Variants in CORIN observed in about 807,000 individuals in gnomAD.
CORIN encodes corin, serine peptidase.
A neutral mutation model predicts 125.3 loss-of-function variants in CORIN; 117 were observed. The ratio of observed to expected loss-of-function variants is 0.93; its 90% CI spans 0.80 to 1.09. The LOEUF (loss-of-function observed/expected upper bound fraction) is 1.09, where lower values mean the gene tolerates loss of function less well. CORIN is among the 50% of genes least tolerant of loss of function. The pLI is 0.00. For synonymous variants in CORIN, 450 were observed against 466.4 expected (o/e 0.96, Z 0.45); for missense variants, 1,253 against 1,306.7 (o/e 0.96, Z 0.63).
intron 16 of CORIN, among the ~76,000 whole-genome samples, chr4:47,639,371 C>G (rs1723149110): frequency 6.6e-6 from 1 of 152,194 alleles, no homozygotes; most frequent in Non-Finnish European, 1.5e-5. Flanking sequence ...GGCTGTTTAC[C>G]TACATGTCTT....
In CORIN at chr4:47,680,205, G is replaced by T; in HGVS notation, c.1068C>A (p.Ile356=). ...TEHRCGDGRC[I]AMEWVCDGDH... ...CACCATCACACACCCACTCCATGGCGATGCAGCGCCCGTCCCCGCAGCGAT... is the reference window on the plus strand; with the variant it reads ...CACCATCACACACCCACTCCATGGCTATGCAGCGCCCGTCCCCGCAGCGAT... The change falls in exon 8 of 22, where the codon ATC becomes ATA. Residue 356 remains isoleucine (I), a synonymous_variant. Transcript: ENST00000273857. The T allele has an allele frequency of 6.2e-7, 1 of 1,613,998 alleles. No individual in the cohort carries two copies. Among genetic ancestry groups the T allele is most frequent in the South Asian group, 1.1e-5 (1 of 91,070 alleles).
At position 47,618,714 on chromosome 4, in the gene CORIN, G is replaced by A. The variant is rs185333324; in HGVS notation, c.2540+4857C>T. 4.8e-3 allele frequency among the ~76,000 whole-genome samples: 737 copies of A among 152,144 alleles called. 4 individuals carry two copies. The highest frequency in any genetic ancestry group is 8.3e-3 in the Non-Finnish European group (567 of 67,986). ...GGCACCTGCAGTCCCAGCTACTCGG[G>A]AGGCTGAGGCAGGAGAATGGCATGA... is the stretch of plus-strand genomic sequence containing the variant. On this transcript the variant is annotated intron_variant, in intron 19 of 21. Coordinates refer to ENST00000273857, the MANE Select transcript of CORIN (RefSeq NM_006587.4).
intron 4 of CORIN, among the ~76,000 whole-genome samples, chr4:47,760,514 A>G (rs1459786039): frequency 6.6e-6 from 1 of 152,192 alleles, no homozygotes; most frequent in East Asian, 1.9e-4. Context: ...TTGGTCTATC[A>G]GTAAACAGGT....
chr4:47,786,731 T>G lies in CORIN; in HGVS notation c.403A>C (p.Asn135His). The change falls in exon 3 of 22, where the codon AAT (asparagine) becomes CAT (histidine). Residue 135 changes from asparagine to histidine, a missense_variant. Asn to His is a moderately conservative substitution (Grantham distance 68). Transcript: ENST00000273857. ...ASLPGDQSHR[N>H]TSACMNITHS... ...GTATCACCTTTGGACTTACTTGTATTCCTGTGACTTTGGTCCCCTGGGAGA... is the reference window on the plus strand; with the variant it reads ...GTATCACCTTTGGACTTACTTGTATGCCTGTGACTTTGGTCCCCTGGGAGA... 1 of 1,613,864 alleles carries G rather than the reference T, an allele frequency of 6.2e-7. No homozygotes were observed. The highest frequency in any genetic ancestry group is 8.5e-7 in the Non-Finnish European group (1 of 1,179,740).
rs892214741 is a variant in CORIN at position 47,594,607 on chromosome 4, T to C, written c.*1114A>G. On this transcript the variant is annotated 3_prime_UTR_variant, in exon 22 of 22. Coordinates refer to ENST00000273857, the MANE Select transcript of CORIN (RefSeq NM_006587.4). Reference sequence around the variant, plus strand: ...GAAAATTACAAAATGTTTTACTCCATGCAAAGTCTTACTGTGCTCTAAAAT... The same window carrying C: ...GAAAATTACAAAATGTTTTACTCCACGCAAAGTCTTACTGTGCTCTAAAAT... The C allele has an allele frequency of 1.3e-5, 2 of 152,182 alleles. No homozygotes were observed. The highest frequency in any genetic ancestry group is 2.4e-5 in the African/African-American group (1 of 41,464). The allele number at this position is 152,182 out of a possible 1,614,324, so 9.4% of individuals were successfully genotyped here. A position where few individuals can be genotyped will look rare whatever the true frequency, so the allele number is the denominator to read the frequency against.
At chr4:47,809,042 G>A (rs1017281964) in intron 1 of CORIN, among the ~76,000 whole-genome samples, 2 of 152,144 alleles carry the variant, frequency 1.3e-5, no homozygotes, top group African/African-American at 4.8e-5. Context: ...GGAAGATCAC[G>A]TAAGACATTG....
At chr4:47,739,984 A>G (rs1287916125) in intron 5 of CORIN, among the ~76,000 whole-genome samples, 1 of 151,944 alleles carries the variant, frequency 6.6e-6, no homozygotes, top group African/African-American at 2.4e-5. Flanking sequence ...AATATATCTA[A>G]CACAAAAAAA....
rs534943706 is a variant in CORIN, at chr4:47,707,764, T to C, written c.800-14681A>G. ...GCCCTGGTGAGAATATACCTGGGTATGTACTGACCCTACAGGACCAGGGGT... is the reference window on the plus strand; with the variant it reads ...GCCCTGGTGAGAATATACCTGGGTACGTACTGACCCTACAGGACCAGGGGT... On this transcript the variant is annotated intron_variant, in intron 5 of 21. Coordinates refer to ENST00000273857, the MANE Select transcript of CORIN (RefSeq NM_006587.4). 2.0e-4 allele frequency among the ~76,000 whole-genome samples: 31 copies of C among 152,286 alleles called. No individual in the cohort carries two copies. The South Asian group carries it at 5.8e-3, about 29-fold the overall frequency.
At chr4:47,802,384 C>T (rs955797068) in intron 2 of CORIN, among the ~76,000 whole-genome samples, 2 of 152,094 alleles carry the variant, frequency 1.3e-5, no homozygotes, top group African/African-American at 4.8e-5. Flanking sequence ...AGTCCACTGT[C>T]CTGAAGAGTG....
At chr4:47,755,077 C>T (rs879639951) in intron 4 of CORIN, among the ~76,000 whole-genome samples, 2 of 152,136 alleles carry the variant, frequency 1.3e-5, no homozygotes, top group South Asian at 4.1e-4. Flanking sequence ...AACCAAGTAA[C>T]CTTAGGATGC....
rs1471519610 is a variant in CORIN, at chr4:47,757,905, T to TATATATATATAC, written c.617+5473_617+5474insGTATATATATAT. On this transcript the variant is annotated intron_variant, in intron 4 of 21. Transcript: ENST00000273857. Reference sequence around the variant, plus strand: ...ATATATATATATATATATATATATATACACAAATATACACATATATATATT... The same window carrying TATATATATATAC: ...ATATATATATATATATATATATATATATATATATATACACACAAATATACACATATATATATT... 7.6e-4 allele frequency among the ~76,000 whole-genome samples: 107 copies of TATATATATATAC among 141,672 alleles called. 1 individual carries two copies. The highest frequency in any genetic ancestry group is 2.7e-3 in the African/African-American group (100 of 37,578). 92.9% of individuals were successfully genotyped at this position (141,672 alleles called of 152,430 possible).
At chr4:47,772,098 T>TAGAC (rs1304661221) in intron 3 of CORIN, among the ~76,000 whole-genome samples, 1 of 151,872 alleles carries the variant, frequency 6.6e-6, no homozygotes, top group African/African-American at 2.4e-5. Context: ...GATAGATAGA[T>TAGAC]AGATAGATAG....
intron 4 of CORIN, among the ~76,000 whole-genome samples, chr4:47,757,867 CATAT>C (rs1274991991): frequency 2.2e-4 from 20 of 91,740 alleles, no homozygotes; most frequent in African/African-American, 7.8e-4. Context: ...CATATATATA[CATAT>C]ATATATGTAT....
intron 20 of CORIN, among the ~76,000 whole-genome samples, chr4:47,602,938 A>G (rs958313677): frequency 6.6e-6 from 1 of 152,048 alleles, no homozygotes; most frequent in Non-Finnish European, 1.5e-5. Context: ...GGCTCACTGC[A>G]GCCTCCACCT....
At chr4:47,751,288 G>A (rs557788732) in intron 4 of CORIN, among the ~76,000 whole-genome samples, 1 of 152,208 alleles carries the variant, frequency 6.6e-6, no homozygotes, top group East Asian at 1.9e-4. Flanking sequence ...TATAGCTCAG[G>A]GGTAGAGCAT....
Position 47,601,903 on chromosome 4 carries a change from T to A in CORIN, c.2812+1494A>T, listed in dbSNP as rs548323184. ...TATCTGACTAAATTTTAAGAAAAAA[T>A]TCCTTCAAATATACAATTTCTAAGG... On this transcript the variant is annotated intron_variant, in intron 20 of 21. Coordinates refer to ENST00000273857, the MANE Select transcript of CORIN (RefSeq NM_006587.4). 3.3e-5 allele frequency among the ~76,000 whole-genome samples: 5 copies of A among 152,208 alleles called. No homozygotes were observed. In the East Asian group the frequency reaches 9.7e-4, roughly 29 times the overall value.
At chr4:47,771,027 A>G (rs576446368) in intron 3 of CORIN, among the ~76,000 whole-genome samples, 80 of 152,316 alleles carry the variant, frequency 5.3e-4, no homozygotes, top group African/African-American at 1.8e-3. Context: ...AGTAGATTTT[A>G]AGTATACTCA....
intron 5 of CORIN, chr4:47,706,426 A>C (rs1726555565): frequency 6.2e-7 from 1 of 1,609,780 alleles, no homozygotes; most frequent in Non-Finnish European, 8.5e-7. Flanking sequence ...GTCTGATGTC[A>C]CGCGCTTTCT....
chr4:47,646,301 T>G (rs1394924684), intron 13 of CORIN, among the ~76,000 whole-genome samples: 2 of 152,182 alleles, frequency 1.3e-5, no homozygotes, highest in Non-Finnish European at 2.9e-5. Context: ...AAGAGGCTCC[T>G]TCTATGCCAA....
Sources: gnomAD v4.1 joint callset for allele counts (sites outside exome capture counted in the v4.1 genomes callset) on GRCh38, gnomAD v4.1.1 for gene constraint, MANE v1.5 for transcripts, NCBI Gene and HGNC (gene_info 2026-07-23, HGNC 2026-07-21) for gene names.